SLC44A5: variants seen among roughly 807,000 people sequenced by gnomAD.
The protein encoded by SLC44A5 is solute carrier family 44 member 5.
In SLC44A5, 57 loss-of-function variants were observed where a neutral mutation model predicts 101.8. The ratio of observed to expected loss-of-function variants is 0.56; its 90% CI spans 0.45 to 0.70. The LOEUF is 0.70. SLC44A5 is among the 30% of genes least tolerant of loss of function. The pLI is 0.00. For missense variants in SLC44A5, 737 were observed against 853.1 expected (o/e 0.86, Z 1.70); for synonymous variants, 281 against 290.9 (o/e 0.97, Z 0.35).
rs199611522 is a variant in SLC44A5 at position 75,263,001 on chromosome 1, A to G, written c.261-11707T>C. 1.1e-4 allele frequency among the ~76,000 whole-genome samples: 17 copies of G among 152,342 alleles called. No homozygotes were observed. The East Asian group carries it at 2.9e-3, about 26-fold the overall frequency. ...AACTCAATATGGATTAACGACTTAA[A>G]AATAAGACCTTAAACCATAAAAAAC... On this transcript the variant is annotated intron_variant, in intron 6 of 23. Coordinates refer to ENST00000370859, the MANE Select transcript of SLC44A5 (RefSeq NM_001130058.2).
At chr1:75,548,565 C>T (rs966647804) in intron 1 of SLC44A5, among the ~76,000 whole-genome samples, 4 of 152,058 alleles carry the variant, frequency 2.6e-5, no homozygotes, top group Admixed American at 6.6e-5. Flanking sequence ...GTAACCATGT[C>T]AAGAAATGCC....
chr1:75,591,837 T>TAA (rs5775298), intron 1 of SLC44A5, among the ~76,000 whole-genome samples: 2,525 of 149,278 alleles, frequency 0.017, 35 homozygotes, highest in African/African-American at 0.043. Context: ...CCTTTCATGA[T>TAA]AAAAAAAAAA....
chr1:75,593,476 CA>C (rs1298067673), intron 1 of SLC44A5, among the ~76,000 whole-genome samples: 1 of 152,054 alleles, frequency 6.6e-6, no homozygotes, highest in Non-Finnish European at 1.5e-5. Context: ...CCAGCAATCC[CA>C]CTGCTAGATA....
At chr1:75,557,094 G>A (rs1672260786) in intron 1 of SLC44A5, among the ~76,000 whole-genome samples, 1 of 152,112 alleles carries the variant, frequency 6.6e-6, no homozygotes. Context: ...GAAGGTGATT[G>A]TAGATAGAAG....
chr1:75,372,982 T>G (rs183543356), intron 3 of SLC44A5, among the ~76,000 whole-genome samples: 22 of 152,324 alleles, frequency 1.4e-4, no homozygotes, highest in Middle Eastern at 6.8e-3. Flanking sequence ...TAGATTTTAC[T>G]TCAAAAAATG....
intron 4 of SLC44A5, among the ~76,000 whole-genome samples, chr1:75,339,202 A>T (rs1408046584): frequency 6.6e-6 from 1 of 152,152 alleles, no homozygotes; most frequent in African/African-American, 2.4e-5. Flanking sequence ...AGAAGTTGGC[A>T]TGGCAACTCT....
At chr1:75,350,233 C>T (rs944198937) in intron 3 of SLC44A5, among the ~76,000 whole-genome samples, 4 of 151,644 alleles carry the variant, frequency 2.6e-5, no homozygotes, top group Middle Eastern at 3.4e-3. Flanking sequence ...CTCCCTTTGC[C>T]GTGTGAGGAC....
In SLC44A5 at chr1:75,219,336, G is replaced by T. The variant is rs202241076; in HGVS notation, c.1187C>A (p.Ala396Glu). ...CYWVVTAVFL[A>E]TSGVPVYKVI... ...TTTGTATACAGGTACCCCCGATGTC[G>T]CCAAGAAACTGAATAAACTCCATTA... Residue 396 changes from alanine to glutamate, a missense_variant, in exon 16 of 24, where the codon GCG (alanine) becomes GAG (glutamate). By Grantham distance (107) the Ala-to-Glu change is moderately radical (BLOSUM62 -1). Transcript: ENST00000370859. The T allele has an allele frequency of 1.9e-6, 3 of 1,609,498 alleles. No individual in the cohort carries two copies. Among genetic ancestry groups the T allele is most frequent in the Admixed American group, 1.7e-5 (1 of 59,974 alleles).
At chr1:75,287,096 T>C (rs1470418812) in intron 5 of SLC44A5, among the ~76,000 whole-genome samples, 3 of 152,282 alleles carry the variant, frequency 2.0e-5, no homozygotes, top group African/African-American at 7.2e-5. Context: ...AATTTGGTTG[T>C]TTATCATAAT....
At chr1:75,250,282 T>C (rs1649454296) in intron 7 of SLC44A5, among the ~76,000 whole-genome samples, 1 of 152,150 alleles carries the variant, frequency 6.6e-6, no homozygotes, top group Non-Finnish European at 1.5e-5. Flanking sequence ...TTTAGTTTTC[T>C]AAAGATAATG....
intron 7 of SLC44A5, 41 bp downstream of exon 7, chr1:75,251,169 C>A: frequency 6.8e-7 from 1 of 1,460,630 alleles, no homozygotes. Flanking sequence ...CAAGAATGTT[C>A]AGAACGGCTG....
intron 2 of SLC44A5, among the ~76,000 whole-genome samples, chr1:75,510,829 A>G (rs1669524712): frequency 6.6e-6 from 1 of 152,362 alleles, no homozygotes; most frequent in African/African-American, 2.4e-5. Flanking sequence ...CTGATCAACA[A>G]CAACAACAAA....
At chr1:75,337,296 A>T (rs1207293743) in intron 4 of SLC44A5, among the ~76,000 whole-genome samples, 1 of 152,178 alleles carries the variant, frequency 6.6e-6, no homozygotes, top group Non-Finnish European at 1.5e-5. Flanking sequence ...TCTTCCTCAA[A>T]AATAAGTGGG....
At chr1:75,227,887 T>C (rs781744714) in intron 12 of SLC44A5, 30 bp from the exon 13 acceptor site, 5 of 1,548,174 alleles carry the variant, frequency 3.2e-6, no homozygotes, top group Non-Finnish European at 4.4e-6. Flanking sequence ...CAGAATAATA[T>C]AAAATATGAT....
At chr1:75,581,628 G>A (rs1239227569) in intron 1 of SLC44A5, among the ~76,000 whole-genome samples, 1 of 152,196 alleles carries the variant, frequency 6.6e-6, no homozygotes, top group East Asian at 1.9e-4. Context: ...ATCCCAGGTA[G>A]TACTGTTTGA....
At chr1:75,684,274 G>T in the SLC44A5 span, among the ~76,000 whole-genome samples, 1 of 152,074 alleles carries the variant, frequency 6.6e-6, no homozygotes, top group Non-Finnish European at 1.5e-5. Flanking sequence ...ATTTGGGTAG[G>T]GACATGGAGC....
chr1:75,617,304 T>C, the SLC44A5 span, among the ~76,000 whole-genome samples: 1 of 152,104 alleles, frequency 6.6e-6, no homozygotes, highest in Admixed American at 6.5e-5. Flanking sequence ...GTCTAAACAT[T>C]CAGTGAGTTA....
intron 2 of SLC44A5, among the ~76,000 whole-genome samples, chr1:75,470,967 C>T (rs919869029): frequency 5.3e-5 from 8 of 152,172 alleles, no homozygotes; most frequent in Middle Eastern, 3.4e-3. Context: ...CATGAAAATT[C>T]TAAAACTAAA....
chr1:75,354,752 G>A (rs956247314), intron 3 of SLC44A5, among the ~76,000 whole-genome samples: 2 of 152,256 alleles, frequency 1.3e-5, no homozygotes, highest in East Asian at 1.9e-4. Flanking sequence ...GAGCTCTTAA[G>A]TAAAACCTCC....
Sources: gnomAD v4.1 joint callset for allele counts (sites outside exome capture counted in the v4.1 genomes callset) on GRCh38, gnomAD v4.1.1 for gene constraint, MANE v1.5 for transcripts, NCBI Gene and HGNC (gene_info 2026-07-23, HGNC 2026-07-21) for gene names.